The following VCF1 variants were observed in gnomAD, a reference collection of about 807,000 sequenced individuals.
The protein encoded by VCF1 is VCP nuclear cofactor family member 1, also known as protein VCF1.
At chr17:73,229,900 T>C in the VCF1 span, among the ~76,000 whole-genome samples, 1 of 135,888 alleles carries the variant, frequency 7.4e-6, no homozygotes, top group Non-Finnish European at 1.5e-5. Flanking sequence ...AAAAAGAGTA[T>C]GGAAACTAGT....
the VCF1 span, among the ~76,000 whole-genome samples, chr17:73,217,168 A>G: frequency 0.015 from 2,245 of 152,142 alleles, 21 homozygotes; most frequent in Non-Finnish European, 0.022. Flanking sequence ...CATCTCTACT[A>G]AAAATACAAA....
At chr17:73,222,733 T>C in the VCF1 span, among the ~76,000 whole-genome samples, 1 of 147,180 alleles carries the variant, frequency 6.8e-6, no homozygotes, top group Non-Finnish European at 1.5e-5. Flanking sequence ...GCTGAGATCA[T>C]GCCACTGCAC....
the VCF1 span, chr17:73,208,049 T>C: frequency 4.4e-6 from 6 of 1,372,596 alleles, no homozygotes; most frequent in Non-Finnish European, 5.7e-6. Context: ...CACATTAGGT[T>C]AGCAGGCTGT....
At chr17:73,231,737 G>A in the VCF1 span, among the ~76,000 whole-genome samples, 1 of 152,128 alleles carries the variant, frequency 6.6e-6, no homozygotes, top group African/African-American at 2.4e-5. Context: ...TCCAAGATGA[G>A]ACGTTTATCC....
At chr17:73,232,274 A>C in the VCF1 span, 8 of 1,604,044 alleles carry the variant, frequency 5.0e-6, no homozygotes, top group African/African-American at 1.3e-5. Flanking sequence ...CCGTACCACC[A>C]CTACTTCCGG....
chr17:73,209,558 G>A, the VCF1 span: 1 of 1,588,328 alleles, frequency 6.3e-7, no homozygotes, highest in Non-Finnish European at 8.6e-7. Context: ...CGGTGCTGTA[G>A]GCTGTGGAAG....
At chr17:73,223,046 G>A in the VCF1 span, among the ~76,000 whole-genome samples, 41 of 152,082 alleles carry the variant, frequency 2.7e-4, no homozygotes, top group Non-Finnish European at 5.6e-4. Flanking sequence ...GGCTGGGCAC[G>A]GTAGCTCACG....
the VCF1 span, among the ~76,000 whole-genome samples, chr17:73,214,634 C>A: frequency 6.6e-6 from 1 of 152,146 alleles, no homozygotes; most frequent in African/African-American, 2.4e-5. Context: ...AAGTAAACAT[C>A]TTGAAACAGG....
At chr17:73,222,014 G>A in the VCF1 span, among the ~76,000 whole-genome samples, 1 of 142,158 alleles carries the variant, frequency 7.0e-6, no homozygotes, top group Non-Finnish European at 1.5e-5. Context: ...TCCAGCCTGG[G>A]GAAAGAGCGA....
chr17:73,224,556 A>G, the VCF1 span, among the ~76,000 whole-genome samples: 1 of 152,196 alleles, frequency 6.6e-6, no homozygotes, highest in African/African-American at 2.4e-5. Flanking sequence ...TTATTAATAA[A>G]ATATTTTGTC....
chr17:73,213,918 C>A, the VCF1 span, among the ~76,000 whole-genome samples: 1 of 151,892 alleles, frequency 6.6e-6, no homozygotes, highest in South Asian at 2.1e-4. Flanking sequence ...TGTACTGAGC[C>A]GAGATGGCAC....
chr17:73,216,547 GAA>G, the VCF1 span, among the ~76,000 whole-genome samples: 2 of 152,054 alleles, frequency 1.3e-5, no homozygotes, highest in Non-Finnish European at 2.9e-5. Context: ...GGTGAGTGGG[GAA>G]AAGAGCCCAC....
chr17:73,221,149 G>A, the VCF1 span, among the ~76,000 whole-genome samples: 31 of 149,406 alleles, frequency 2.1e-4, 1 homozygote, highest in African/African-American at 7.1e-4. Context: ...TGCCCGCCTT[G>A]GCCTCCCAAA....
the VCF1 span, among the ~76,000 whole-genome samples, chr17:73,220,894 ATTT>A: frequency 2.1e-5 from 2 of 96,658 alleles, no homozygotes; most frequent in African/African-American, 8.5e-5. Context: ...TTTAATTTAG[ATTT>A]TTTTTTTTTT....
At chr17:73,216,563 CA>C in the VCF1 span, among the ~76,000 whole-genome samples, 1 of 151,988 alleles carries the variant, frequency 6.6e-6, no homozygotes, top group African/African-American at 2.4e-5. Flanking sequence ...AGCCCACTAG[CA>C]GGCCAGGGAA....
chr17:73,230,200 G>T, the VCF1 span, among the ~76,000 whole-genome samples: 1 of 152,044 alleles, frequency 6.6e-6, no homozygotes, highest in Non-Finnish European at 1.5e-5. Context: ...GGAGGCTGAC[G>T]TGGGAGGATC....
chr17:73,227,794 T>C, the VCF1 span: 2 of 315,204 alleles, frequency 6.3e-6, no homozygotes, highest in African/African-American at 4.5e-5. Flanking sequence ...CTTCACTAGA[T>C]TGTTACTATG....
the VCF1 span, among the ~76,000 whole-genome samples, chr17:73,222,333 A>G: frequency 3.1e-4 from 46 of 150,004 alleles, no homozygotes; most frequent in African/African-American, 1.1e-3. Flanking sequence ...AGAGATTTGG[A>G]AAAAAAAAAC....
the VCF1 span, among the ~76,000 whole-genome samples, chr17:73,216,202 G>A: frequency 6.6e-6 from 1 of 152,148 alleles, no homozygotes; most frequent in Non-Finnish European, 1.5e-5. Flanking sequence ...AGGCCCAGGA[G>A]GACTGTGGAA....
Sources: allele counts gnomAD v4.1 joint callset (sites outside exome capture counted in the v4.1 genomes callset), GRCh38; gene constraint gnomAD v4.1.1; transcripts MANE v1.5; gene names NCBI Gene and HGNC (gene_info 2026-07-23, HGNC 2026-07-21).